Variants in B3GAT2 observed in about 807,000 individuals in gnomAD.
B3GAT2 encodes galactosylgalactosylxylosylprotein 3-beta-glucuronosyltransferase 2.
In B3GAT2, 26 loss-of-function variants were observed where a neutral mutation model predicts 27.8. The ratio of observed to expected loss-of-function variants is 0.93; its 90% CI spans 0.68 to 1.30. The LOEUF (loss-of-function observed/expected upper bound fraction) is 1.30. B3GAT2 is among the 50% of genes most tolerant of loss of function. The pLI, the probability that B3GAT2 is intolerant of heterozygous loss-of-function variation, is 0.00. For missense variants in B3GAT2, 458 were observed against 459.0 expected (o/e 1.00, Z 0.02); for synonymous variants, 218 against 195.1 (o/e 1.12, Z -0.98).
chr6:70,955,050 CG>C (rs1765630582), intron 1 of B3GAT2, among the ~76,000 whole-genome samples: 1 of 151,894 alleles, frequency 6.6e-6, no homozygotes, highest in Non-Finnish European at 1.5e-5. Context: ...CTGGCTAACT[CG>C]CCAAAAAGAG....
At chr6:70,890,184 A>G (rs651984) in intron 2 of B3GAT2, among the ~76,000 whole-genome samples, 19,789 of 152,022 alleles carry the variant, frequency 0.13, 2,274 homozygotes, top group East Asian at 0.39. Context: ...TTCATCATTC[A>G]TCCACCCCTT....
chr6:70,859,455 T>TA lies in B3GAT2; in HGVS notation c.*2207_*2208insT, dbSNP rs1771601108. 1 of 1,263,248 alleles carries TA rather than the reference T, an allele frequency of 7.9e-7. No individual in the cohort carries two copies. The highest frequency in any genetic ancestry group is 1.5e-5 in the African/African-American group (1 of 67,312). The allele number at this position is 1,263,248 out of a possible 1,614,324, so 78.3% of individuals were successfully genotyped here. On this transcript the variant is annotated 3_prime_UTR_variant, in exon 4 of 4. Transcript: ENST00000230053. ...ATCTGCTTCTTCAGACACTTATGCC[T>TA]GATTAGTGATGTAGTTTATGTTAGT...
At chr6:70,935,177 G>A (rs1773123299) in intron 1 of B3GAT2, among the ~76,000 whole-genome samples, 1 of 152,168 alleles carries the variant, frequency 6.6e-6, no homozygotes, top group South Asian at 2.1e-4. Flanking sequence ...CAGGTGTGGT[G>A]GCTCACACCA....
Position 70,868,357 on chromosome 6 carries a change from A to G in B3GAT2, c.737-6379T>C, listed in dbSNP as rs146249321. Among the ~76,000 whole-genome samples, 384 of 152,318 alleles carry G rather than the reference A, an allele frequency of 2.5e-3. 2 individuals are homozygous for G. The highest frequency in any genetic ancestry group is 3.8e-3 in the Non-Finnish European group (260 of 68,038). On this transcript the variant is annotated intron_variant, in intron 2 of 3. Coordinates refer to ENST00000230053, the MANE Select transcript of B3GAT2 (RefSeq NM_080742.3). ...AAAAAGGCAGAAATATTGGAAAGGA[A>G]GAAGTACAGCAAGCCTCCTCTTCTT...
intron 2 of B3GAT2, among the ~76,000 whole-genome samples, chr6:70,891,972 C>T (rs139409831): frequency 1.2e-4 from 18 of 151,782 alleles, no homozygotes; most frequent in Non-Finnish European, 2.2e-4. Flanking sequence ...ATTACTTACA[C>T]TTAAAGACTT....
Position 70,861,379 on chromosome 6 carries a change from GGTATCTTGCA to G in B3GAT2, c.*274_*283del, listed in dbSNP as rs2150019248. The G allele has an allele frequency of 2.8e-6, 1 of 353,972 alleles. No homozygotes were observed. Among genetic ancestry groups the G allele is most frequent in the African/African-American group, 2.0e-5 (1 of 49,392 alleles). 21.9% of individuals were successfully genotyped at this position (353,972 alleles called of 1,614,324 possible). On this transcript the variant is annotated 3_prime_UTR_variant, in exon 4 of 4. Transcript: ENST00000230053. Reference sequence around the variant, plus strand: ...AAAGAAAAAATATATACTCAAGAGTGGTATCTTGCAGTATCGGCACTGTACAAAAAAATCT... The same window carrying G: ...AAAGAAAAAATATATACTCAAGAGTGGTATCGGCACTGTACAAAAAAATCT...
At chr6:70,909,108 T>C (rs961314371) in intron 1 of B3GAT2, among the ~76,000 whole-genome samples, 2 of 152,044 alleles carry the variant, frequency 1.3e-5, no homozygotes, top group African/African-American at 2.4e-5. Flanking sequence ...GAAAATCTAA[T>C]TCAGAAAGCC....
At chr6:70,949,682 G>A (rs1328990272) in intron 1 of B3GAT2, among the ~76,000 whole-genome samples, 1 of 151,806 alleles carries the variant, frequency 6.6e-6, no homozygotes, top group Non-Finnish European at 1.5e-5. Flanking sequence ...AATATCATTT[G>A]ATCCAGCCAT....
At chr6:70,941,836 G>A (rs1765397829) in intron 1 of B3GAT2, among the ~76,000 whole-genome samples, 1 of 152,022 alleles carries the variant, frequency 6.6e-6, no homozygotes, top group Admixed American at 6.6e-5. Context: ...TGCATGCTAG[G>A]CACTGCTCTG....
In B3GAT2 at chr6:70,956,661, G is replaced by A; in HGVS notation, c.-232C>T. ...AAGGGGTGCAGGCGGGCGGGCAGGG[G>A]CTGCCCCCGACTCCAGGTGAGCTGG... On this transcript the variant is annotated 5_prime_UTR_variant, in exon 1 of 4. Transcript: ENST00000230053. 7.2e-7 allele frequency: 1 copy of A among 1,388,002 alleles called. No homozygotes were observed. Among genetic ancestry groups the A allele is most frequent in the Non-Finnish European group, 9.3e-7 (1 of 1,074,408 alleles). The allele number at this position is 1,388,002 out of a possible 1,614,324, so 86.0% of individuals were successfully genotyped here.
At position 70,917,625 on chromosome 6, in the gene B3GAT2, T is replaced by C. The variant is rs141411820; in HGVS notation, c.592-23353A>G. On this transcript the variant is annotated intron_variant, in intron 1 of 3. Transcript: ENST00000230053. ...TTGTTCTTATTGGCTTCACAGAACA[T>C]TGTTATTTATGCCTTCATTTCGTTA... 5.7e-3 allele frequency among the ~76,000 whole-genome samples: 870 copies of C among 152,330 alleles called. 5 individuals carry two copies. The highest frequency in any genetic ancestry group is 0.041 in the Middle Eastern group (12 of 294).
chr6:70,857,953 T>C lies in B3GAT2; in HGVS notation c.*3710A>G. ...TTATGGGACCCACAAATATACCATT[T>C]ACCTCACAAGCACCAGCTGCATTTC... is the stretch of plus-strand genomic sequence containing the variant. On this transcript the variant is annotated 3_prime_UTR_variant, in exon 4 of 4. Transcript: ENST00000230053. The C allele has an allele frequency of 1.2e-6, 2 of 1,614,150 alleles. No homozygotes were observed. The highest frequency in any genetic ancestry group is 1.7e-6 in the Non-Finnish European group (2 of 1,179,998).
At chr6:70,908,792 T>G (rs2150037716) in intron 1 of B3GAT2, among the ~76,000 whole-genome samples, 1 of 152,280 alleles carries the variant, frequency 6.6e-6, no homozygotes, top group South Asian at 2.1e-4. Context: ...GGATAAAATC[T>G]TATCTCTATA....
rs180926736 is a variant in B3GAT2, at chr6:70,859,483, C to T, written c.*2180G>A. 9.6e-4 allele frequency: 976 copies of T among 1,021,658 alleles called. 15 individuals carry two copies. The Admixed American group carries it at 0.022, about 23-fold the overall frequency. 63.3% of individuals were successfully genotyped at this position (1,021,658 alleles called of 1,614,324 possible). A position where few individuals can be genotyped will look rare whatever the true frequency, so the allele number is the denominator to read the frequency against. On this transcript the variant is annotated 3_prime_UTR_variant, in exon 4 of 4. Transcript: ENST00000230053. Reference sequence around the variant, plus strand: ...TTAGTGATGTAGTTTATGTTAGTGTCTTTGAAACTGTAAATAAGTCAAGTC... The same window carrying T: ...TTAGTGATGTAGTTTATGTTAGTGTTTTTGAAACTGTAAATAAGTCAAGTC...
Position 70,861,983 on chromosome 6 carries a change from GT to G in B3GAT2, c.737-6del. 6.4e-7 allele frequency: 1 copy of G among 1,558,476 alleles called. No homozygotes were observed. Among genetic ancestry groups the G allele is most frequent in the Admixed American group, 2.1e-5 (1 of 48,378 alleles). Reference sequence around the variant, plus strand: ...CTTGAAGACTTACAGCAAATCCTTTGTGAAAAATAAAAAAAAAAAAGAGACT... The same window carrying G: ...CTTGAAGACTTACAGCAAATCCTTTGGAAAAATAAAAAAAAAAAAGAGACT... On this transcript the variant is annotated splice_polypyrimidine_tract_variant and splice_region_variant and intron_variant, in intron 2 of 3. Transcript: ENST00000230053.
chr6:70,891,964 TACTTAC>T (rs555271091), intron 2 of B3GAT2, among the ~76,000 whole-genome samples: 2,596 of 152,202 alleles, frequency 0.017, 37 homozygotes, highest in Non-Finnish European at 0.028. Context: ...TCGACCAAAT[TACTTAC>T]ACTTAAAGAC....
chr6:70,856,744 C>T lies in B3GAT2; in HGVS notation c.*4919G>A, dbSNP rs1282391152. The stretch of plus-strand genomic sequence containing the variant: ...ATCCTCTTGAATGGCACCATTTTAC[C>T]TTCTACAATTGTTTGATTCCTATCT... On this transcript the variant is annotated 3_prime_UTR_variant, in exon 4 of 4. Coordinates refer to ENST00000230053, the MANE Select transcript of B3GAT2 (RefSeq NM_080742.3). 2 of 1,079,954 alleles carry T rather than the reference C, an allele frequency of 1.9e-6. No homozygotes were observed. Among genetic ancestry groups the T allele is most frequent in the East Asian group, 2.6e-5 (1 of 38,058 alleles). The allele number at this position is 1,079,954 out of a possible 1,614,324, so 66.9% of individuals were successfully genotyped here. A position where few individuals can be genotyped will look rare whatever the true frequency, so the allele number is the denominator to read the frequency against.
rs186101465 is a variant in B3GAT2, at chr6:70,897,798, T to C, written c.592-3526A>G. On this transcript the variant is annotated intron_variant, in intron 1 of 3. Coordinates refer to ENST00000230053, the MANE Select transcript of B3GAT2 (RefSeq NM_080742.3). Reference sequence around the variant, plus strand: ...ATTTTCAGTTAATTTTTATATATGGTATGAGGAACTGATTGAAGTTCTTTT... The same window carrying C: ...ATTTTCAGTTAATTTTTATATATGGCATGAGGAACTGATTGAAGTTCTTTT... Among the ~76,000 whole-genome samples the C allele has an allele frequency of 6.6e-5, 10 of 152,188 alleles. No homozygotes were observed. In the East Asian group the frequency reaches 1.2e-3, roughly 18 times the overall value.
intron 1 of B3GAT2, among the ~76,000 whole-genome samples, chr6:70,907,137 C>T (rs1037052011): frequency 1.3e-5 from 2 of 152,134 alleles, no homozygotes; most frequent in African/African-American, 2.4e-5. Flanking sequence ...CAAATGGTAA[C>T]CAGCCCTTCC....
Sources: allele counts gnomAD v4.1 joint callset (sites outside exome capture counted in the v4.1 genomes callset), GRCh38; gene constraint gnomAD v4.1.1; transcripts MANE v1.5; gene names NCBI Gene and HGNC (gene_info 2026-07-23, HGNC 2026-07-21).